Variants in DEPTOR observed in about 807,000 individuals in gnomAD.
DEPTOR encodes the protein DEP domain containing MTOR interacting protein, also known as DEP domain-containing mTOR-interacting protein.
DEPTOR carries 41 observed loss-of-function variants against 41.6 expected under a neutral mutation model. The observed-to-expected ratio is 0.98, with a 90% CI of 0.77 to 1.28. The LOEUF is 1.28. DEPTOR is among the 50% of genes most tolerant of loss of function. The probability of loss-of-function intolerance (pLI) is 0.00; values close to 1 mark genes in which losing one functional copy is unlikely to be tolerated. For missense variants in DEPTOR, 514 were observed against 527.9 expected (o/e 0.97, Z 0.26); for synonymous variants, 195 against 192.3 (o/e 1.01, Z -0.12).
chr8:120,034,938 T>A (rs778522901), intron 8 of DEPTOR, among the ~76,000 whole-genome samples: 1 of 151,990 alleles, frequency 6.6e-6, no homozygotes, highest in East Asian at 1.9e-4. Flanking sequence ...GAGGAAAAAA[T>A]TTGAGATCAG....
intron 1 of DEPTOR, among the ~76,000 whole-genome samples, chr8:119,904,240 C>T (rs1827631952): frequency 6.6e-6 from 1 of 151,740 alleles, no homozygotes; most frequent in Non-Finnish European, 1.5e-5. Flanking sequence ...GTCTCAGCCG[C>T]CCCGAGTAGT....
chr8:120,000,936 G>T (rs528940654), intron 4 of DEPTOR, among the ~76,000 whole-genome samples: 1 of 151,894 alleles, frequency 6.6e-6, no homozygotes, highest in Non-Finnish European at 1.5e-5. Context: ...AATTAGCCAG[G>T]TGTGGTGGTG....
chr8:119,975,666 G>T (rs918351587), intron 4 of DEPTOR, among the ~76,000 whole-genome samples: 1 of 151,998 alleles, frequency 6.6e-6, no homozygotes, highest in Non-Finnish European at 1.5e-5. Context: ...CTAAAACTGG[G>T]CTGGGTAAGC....
chr8:119,976,319 G>A (rs1828696191), intron 4 of DEPTOR, among the ~76,000 whole-genome samples: 1 of 152,104 alleles, frequency 6.6e-6, no homozygotes, highest in Admixed American at 6.6e-5. Context: ...GGATAGAGAA[G>A]TTGTTTTGTT....
intron 1 of DEPTOR, among the ~76,000 whole-genome samples, chr8:119,918,292 T>A (rs770968581): frequency 2.6e-4 from 40 of 152,160 alleles, no homozygotes; most frequent in Non-Finnish European, 3.2e-4. Flanking sequence ...CTCAATCCAT[T>A]GCAGTGACAA....
intron 1 of DEPTOR, among the ~76,000 whole-genome samples, chr8:119,904,908 C>T (rs1313568078): frequency 1.3e-5 from 2 of 151,512 alleles, no homozygotes; most frequent in East Asian, 3.9e-4. Flanking sequence ...CCTCTCACCT[C>T]AGCCACCCAA....
At chr8:119,986,193 T>A (rs1423914473) in intron 4 of DEPTOR, among the ~76,000 whole-genome samples, 1 of 152,138 alleles carries the variant, frequency 6.6e-6, no homozygotes, top group Non-Finnish European at 1.5e-5. Context: ...ATTTAGTGCT[T>A]CCTTCAGGAG....
At chr8:119,995,822 T>G (rs1333850657) in intron 4 of DEPTOR, among the ~76,000 whole-genome samples, 1 of 152,120 alleles carries the variant, frequency 6.6e-6, no homozygotes, top group Non-Finnish European at 1.5e-5. Flanking sequence ...GTGCTCAGTT[T>G]GTCAAATGAA....
intron 5 of DEPTOR, among the ~76,000 whole-genome samples, 186 bp from the exon 6 acceptor site, chr8:120,002,791 A>AAAAAAATATATATATATATATAT: frequency 1.6e-5 from 1 of 60,674 alleles, no homozygotes; most frequent in Non-Finnish European, 2.9e-5. Flanking sequence ...AAAAAAAAAA[A>AAAAAAATATATATATATATATAT]ATATATATAT....
At chr8:119,976,704 A>T (rs567580745) in intron 4 of DEPTOR, among the ~76,000 whole-genome samples, 2 of 152,174 alleles carry the variant, frequency 1.3e-5, no homozygotes, top group Non-Finnish European at 2.9e-5. Context: ...TGTTTTCTGC[A>T]TATGCAGTTG....
intron 4 of DEPTOR, among the ~76,000 whole-genome samples, chr8:119,995,138 T>C (rs1738940797): frequency 6.6e-6 from 1 of 152,078 alleles, no homozygotes; most frequent in South Asian, 2.1e-4. Flanking sequence ...CCATGCCATA[T>C]CTCTTACATA....
At chr8:119,992,624 C>A (rs923367074) in intron 4 of DEPTOR, among the ~76,000 whole-genome samples, 4 of 151,592 alleles carry the variant, frequency 2.6e-5, no homozygotes, top group African/African-American at 9.7e-5. Flanking sequence ...AAGTATGTGA[C>A]CTTCCTCCTT....
rs755014490 is a variant in DEPTOR at position 119,873,786 on chromosome 8, T to TC, written c.-59dup. 9.4e-6 allele frequency: 15 copies of TC among 1,600,164 alleles called. No individual in the cohort carries two copies. Among genetic ancestry groups the TC allele is most frequent in the Non-Finnish European group, 1.3e-5 (15 of 1,173,404 alleles). Reference sequence around the variant, plus strand: ...GGAAGCGTCTGTGAGGGCAGACTGATCCGAGCACCCAAACCCTCGGCGGAC... The same window carrying TC: ...GGAAGCGTCTGTGAGGGCAGACTGATCCCGAGCACCCAAACCCTCGGCGGAC... On this transcript the variant is annotated 5_prime_UTR_variant, in exon 1 of 9. Transcript: ENST00000286234.
chr8:119,875,956 C>T (rs563401784), intron 1 of DEPTOR, among the ~76,000 whole-genome samples: 3 of 152,324 alleles, frequency 2.0e-5, no homozygotes, highest in Non-Finnish European at 4.4e-5. Context: ...TAACAGGCTT[C>T]AGTCCCTTTA....
intron 4 of DEPTOR, among the ~76,000 whole-genome samples, chr8:119,985,750 A>T (rs1380113647): frequency 1.3e-5 from 2 of 149,184 alleles, no homozygotes; most frequent in Non-Finnish European, 3.0e-5. Context: ...CCATTATGTA[A>T]TGCCCTTCTT....
chr8:119,974,726 C>T (rs960348773), intron 4 of DEPTOR, among the ~76,000 whole-genome samples: 4 of 151,496 alleles, frequency 2.6e-5, no homozygotes, highest in East Asian at 1.9e-4. Context: ...GAGCTGAGAT[C>T]GTGCCACTGC....
At chr8:119,949,322 C>T (rs1407066820) in intron 3 of DEPTOR, among the ~76,000 whole-genome samples, 1 of 152,170 alleles carries the variant, frequency 6.6e-6, no homozygotes, top group East Asian at 1.9e-4. Context: ...TAAATAATAT[C>T]GTTATGAACA....
chr8:120,011,271 T>G (rs1179181603), intron 8 of DEPTOR, among the ~76,000 whole-genome samples: 2 of 152,132 alleles, frequency 1.3e-5, no homozygotes, highest in African/African-American at 4.8e-5. Context: ...ACCTCACTCA[T>G]GTCAGGGAGG....
chr8:119,927,631 G>A (rs565304349), intron 1 of DEPTOR, among the ~76,000 whole-genome samples: 290 of 148,554 alleles, frequency 2.0e-3, no homozygotes, highest in Non-Finnish European at 2.8e-3. Context: ...ATTTTAAGAC[G>A]GAGTTTCACT....
Sources: allele counts gnomAD v4.1 joint callset (sites outside exome capture counted in the v4.1 genomes callset), GRCh38; gene constraint gnomAD v4.1.1; transcripts MANE v1.5; gene names NCBI Gene and HGNC (gene_info 2026-07-23, HGNC 2026-07-21).